The following SEH1L variants were observed in gnomAD, a reference collection of about 807,000 sequenced individuals.
SEH1L encodes SEH1 like nucleoporin, also known as nucleoporin SEH1.
SEH1L carries 18 observed loss-of-function variants against 49.5 expected under a neutral mutation model. The ratio of observed to expected loss-of-function variants is 0.36; its 90% CI spans 0.25 to 0.54. The LOEUF (loss-of-function observed/expected upper bound fraction) is 0.54, where lower values mean the gene tolerates loss of function less well. Among genes scored for constraint, SEH1L ranks in the 20% least tolerant of loss-of-function variants. The pLI, the probability that SEH1L is intolerant of heterozygous loss-of-function variation, is 0.87. For missense variants in SEH1L, 404 were observed against 528.8 expected (o/e 0.76, Z 2.31); for synonymous variants, 169 against 178.1 (o/e 0.95, Z 0.41).
chr18:12,955,726 G>A, intron 3 of SEH1L, 117 bp downstream of exon 3: 1 of 993,912 alleles, frequency 1.0e-6, no homozygotes, highest in Non-Finnish European at 1.5e-6. Context: ...AGTTTTACCA[G>A]TTCTAAAGTT....
chr18:12,982,892 CTAAAG>C, intron 7 of SEH1L: 1 of 400,490 alleles, frequency 2.5e-6, no homozygotes, highest in Non-Finnish European at 4.5e-6. Flanking sequence ...GTTTTCAAAA[CTAAAG>C]TAATTACAAC....
intron 4 of SEH1L, among the ~76,000 whole-genome samples, chr18:12,966,451 C>T (rs1293996703): frequency 6.6e-6 from 1 of 152,108 alleles, no homozygotes; most frequent in Non-Finnish European, 1.5e-5. Flanking sequence ...CACTATGTCA[C>T]CCAGGCTGGA....
At chr18:12,948,698 A>C (rs2030282802) in intron 1 of SEH1L, 1 of 155,734 alleles carries the variant, frequency 6.4e-6, no homozygotes, top group African/African-American at 2.4e-5. Flanking sequence ...GTGGGTTCAG[A>C]GCAGAAGCTC....
At chr18:12,964,322 C>G (rs560039073) in intron 4 of SEH1L, 1 of 152,236 alleles carries the variant, frequency 6.6e-6, no homozygotes, top group African/African-American at 2.4e-5. Flanking sequence ...CTGGTAGTCA[C>G]TAGTATATTT....
chr18:12,977,656 G>A (rs1018654923), intron 5 of SEH1L: 4 of 152,030 alleles, frequency 2.6e-5, no homozygotes, highest in Non-Finnish European at 4.4e-5. Flanking sequence ...CTCAGGAGGC[G>A]GAGGTTTCAG....
chr18:12,962,889 T>TA (rs1320426041), intron 3 of SEH1L, among the ~76,000 whole-genome samples: 2 of 152,116 alleles, frequency 1.3e-5, no homozygotes, highest in Admixed American at 1.3e-4. Flanking sequence ...AGAGATTACT[T>TA]ATATAACAAA....
chr18:12,985,494 G>A (rs974463643), intron 8 of SEH1L: 3 of 1,247,634 alleles, frequency 2.4e-6, no homozygotes, highest in African/African-American at 3.1e-5. Context: ...GCTTTCTGTT[G>A]AGACATTGTC....
At chr18:12,977,579 C>G (rs1189223902) in intron 5 of SEH1L, 2 of 152,014 alleles carry the variant, frequency 1.3e-5, no homozygotes, top group Non-Finnish European at 2.9e-5. Flanking sequence ...ACAAAATTAG[C>G]CAGGCGTAGT....
intron 1 of SEH1L, 92 bp from the exon 2 acceptor site, chr18:12,951,763 C>T (rs2030546283): frequency 2.6e-6 from 2 of 755,574 alleles, no homozygotes; most frequent in Middle Eastern, 2.4e-4. Flanking sequence ...TATATGTTCA[C>T]CGCTTTCCTT....
chr18:12,948,295 C>G, intron 1 of SEH1L, 63 bp downstream of exon 1: 2 of 1,167,158 alleles, frequency 1.7e-6, no homozygotes, highest in South Asian at 1.2e-5. Context: ...GGGTGGGCGG[C>G]GCGGGGAACG....
intron 2 of SEH1L, among the ~76,000 whole-genome samples, chr18:12,952,481 C>T (rs149686293): frequency 0.026 from 3,991 of 152,174 alleles, 152 homozygotes; most frequent in African/African-American, 0.09. Context: ...GATCCTCCCT[C>T]GGCCTCCCAA....
In SEH1L at chr18:12,971,224, A is replaced by C; in HGVS notation, c.593A>C (p.Gln198Pro). Residue 198 changes from glutamine to proline, a missense_variant, in exon 5 of 9, where the codon CAG becomes CCG. Gln to Pro is a moderately conservative substitution (Grantham distance 76, BLOSUM62 -1). Coordinates refer to ENST00000399892, the MANE Select transcript of SEH1L (RefSeq NM_001013437.2). The part of the protein sequence containing the change: ...DSSPNAMAKV[Q>P]IFEYNENTRK... ...AGCCCCAACGCAATGGCCAAGGTTC[A>C]GATTTTTGAATATAATGAAAACACC... 1 of 1,613,382 alleles carries C rather than the reference A, an allele frequency of 6.2e-7. No homozygotes were observed.
chr18:12,966,084 T>A (rs2031438206), intron 4 of SEH1L, among the ~76,000 whole-genome samples: 1 of 148,082 alleles, frequency 6.8e-6, no homozygotes, highest in Non-Finnish European at 1.5e-5. Context: ...TTTTTATTTT[T>A]ATTTTTATGG....
At chr18:12,956,944 G>C (rs1289332907) in intron 3 of SEH1L, among the ~76,000 whole-genome samples, 1 of 152,136 alleles carries the variant, frequency 6.6e-6, no homozygotes, top group Admixed American at 6.5e-5. Context: ...GTGGGTGCCT[G>C]TAAGTCCCAG....
At chr18:12,983,021 G>T (rs762416227) in intron 7 of SEH1L, 56 of 157,578 alleles carry the variant, frequency 3.6e-4, no homozygotes, top group Non-Finnish European at 6.1e-4. Flanking sequence ...CAAATAAATT[G>T]CTTTAGACAA....
chr18:12,956,131 G>A (rs1266112580), intron 3 of SEH1L, among the ~76,000 whole-genome samples: 3 of 149,892 alleles, frequency 2.0e-5, no homozygotes, highest in Non-Finnish European at 3.0e-5. Context: ...TGCAAGCTCC[G>A]CCTCCCGGGT....
intron 5 of SEH1L, chr18:12,972,919 T>C (rs1332753956): frequency 6.6e-6 from 1 of 152,158 alleles, no homozygotes; most frequent in Non-Finnish European, 1.5e-5. Flanking sequence ...AAAAGGTGTA[T>C]CATTGGCCAC....
chr18:12,982,683 T>A lies in SEH1L; in HGVS notation c.919+8T>A. ...GTGTAAGATTGTGGAAAGGTAAGAG[T>A]TCAGTGAAGGGGTAATTGTTGGTTT... On this transcript the variant is annotated splice_region_variant and intron_variant, in intron 7 of 8. Coordinates refer to ENST00000399892, the MANE Select transcript of SEH1L (RefSeq NM_001013437.2). The A allele has an allele frequency of 6.3e-7, 1 of 1,591,142 alleles. No individual in the cohort carries two copies.
At chr18:12,975,062 G>A (rs563301197) in intron 5 of SEH1L, among the ~76,000 whole-genome samples, 152 of 149,308 alleles carry the variant, frequency 1.0e-3, no homozygotes, top group African/African-American at 3.5e-3. Context: ...GTGTGATCTC[G>A]GCTCACCGTA....
Sources: allele counts gnomAD v4.1 joint callset (sites outside exome capture counted in the v4.1 genomes callset), GRCh38; gene constraint gnomAD v4.1.1; transcripts MANE v1.5; gene names NCBI Gene and HGNC (gene_info 2026-07-23, HGNC 2026-07-21).